FBXO33: variants seen among roughly 807,000 people sequenced by gnomAD.
FBXO33 encodes F-box protein 33.
In FBXO33, 22 loss-of-function variants were observed where a neutral mutation model predicts 46.3. The observed-to-expected ratio is 0.48, with a 90% confidence interval of 0.34 to 0.68. FBXO33 has a LOEUF of 0.68. FBXO33 is among the 30% of genes least tolerant of loss of function. The pLI is 0.01. For synonymous variants in FBXO33, 337 were observed against 291.3 expected (o/e 1.16, Z -1.60); for missense variants, 692 against 708.8 (o/e 0.98, Z 0.27).
chr14:39,428,994 CTTCT>C (rs2061764259), intron 1 of FBXO33, among the ~76,000 whole-genome samples: 1 of 152,132 alleles, frequency 6.6e-6, no homozygotes, highest in African/African-American at 2.4e-5. Context: ...ACTTATGCAC[CTTCT>C]TTATCCTTAT....
At chr14:39,401,994 C>A (rs113202109) in intron 2 of FBXO33, 133 bp from the exon 3 acceptor site, 3 of 671,882 alleles carry the variant, frequency 4.5e-6, no homozygotes, top group African/African-American at 3.6e-5. Context: ...AATTTCGATT[C>A]AACCCACAGT....
chr14:39,432,275 C>T lies in FBXO33; in HGVS notation c.-113G>A. 2 of 898,420 alleles carry T rather than the reference C, an allele frequency of 2.2e-6. No individual in the cohort carries two copies. The highest frequency in any genetic ancestry group is 2.8e-6 in the Non-Finnish European group (2 of 702,838). The allele number at this position is 898,420 out of a possible 1,614,324, so 55.7% of individuals were successfully genotyped here. A position where few individuals can be genotyped will look rare whatever the true frequency, so the allele number is the denominator to read the frequency against. On this transcript the variant is annotated 5_prime_UTR_variant, in exon 1 of 4. Transcript: ENST00000298097. ...GCGGGCGTGGCCTGCCGGGAGCCAG[C>T]CTCTGTCTTCTCAAACTCTACTCAC...
chr14:39,410,674 A>G (rs2139407966), intron 1 of FBXO33, among the ~76,000 whole-genome samples: 1 of 152,142 alleles, frequency 6.6e-6, no homozygotes, highest in Middle Eastern at 3.4e-3. Context: ...TTTTTGGGGG[A>G]AGGTTTTTAA....
chr14:39,412,946 T>C (rs1398453682), intron 1 of FBXO33, among the ~76,000 whole-genome samples: 1 of 152,282 alleles, frequency 6.6e-6, no homozygotes, highest in East Asian at 1.9e-4. Context: ...GCTGATAGAA[T>C]GCCTTGTCCC....
chr14:39,399,916 T>C, intron 3 of FBXO33, 129 bp from the exon 4 acceptor site: 1 of 1,061,006 alleles, frequency 9.4e-7, no homozygotes, highest in Non-Finnish European at 1.3e-6. Context: ...CGTTTTGGTC[T>C]TTTTCCTTTA....
At chr14:39,405,920 A>G (rs1282639706) in intron 1 of FBXO33, among the ~76,000 whole-genome samples, 2 of 150,120 alleles carry the variant, frequency 1.3e-5, no homozygotes, top group African/African-American at 2.4e-5. Flanking sequence ...TCAACTTGAC[A>G]TGTGATTCTA....
chr14:39,417,764 C>T (rs1171737016), intron 1 of FBXO33, among the ~76,000 whole-genome samples: 1 of 152,148 alleles, frequency 6.6e-6, no homozygotes, highest in Admixed American at 6.5e-5. Context: ...CTCCTGACCT[C>T]ATGATCCACT....
intron 1 of FBXO33, among the ~76,000 whole-genome samples, chr14:39,424,206 T>A (rs1363781003): frequency 4.6e-5 from 7 of 152,206 alleles, no homozygotes. Flanking sequence ...GCTTGCTCCC[T>A]CCCTACCTTC....
At position 39,419,850 on chromosome 14, in the gene FBXO33, C is replaced by T. The variant is rs568362408; in HGVS notation, c.599+11714G>A. Reference sequence around the variant, plus strand: ...ATGTACTTTGATTCCTTTGGTAATACTGATAGGATATAAGCTATTTACTAG... The same window carrying T: ...ATGTACTTTGATTCCTTTGGTAATATTGATAGGATATAAGCTATTTACTAG... On this transcript the variant is annotated intron_variant, in intron 1 of 3. Transcript: ENST00000298097. Among the ~76,000 whole-genome samples, 3 of 152,278 alleles carry T rather than the reference C, an allele frequency of 2.0e-5. No homozygotes were observed. In the East Asian group the frequency reaches 5.8e-4, roughly 29 times the overall value.
Position 39,412,705 on chromosome 14 carries a change from T to C in FBXO33, c.600-10194A>G, listed in dbSNP as rs530969339. 1.1e-4 allele frequency among the ~76,000 whole-genome samples: 17 copies of C among 152,354 alleles called. 1 individual carries two copies. In the South Asian group the frequency reaches 3.5e-3, roughly 32 times the overall value. The stretch of plus-strand genomic sequence containing the variant: ...TACCACAGGCATAACTTGCAGATAT[T>C]GCAGGTTTACTTCCAGACCACTGCA... On this transcript the variant is annotated intron_variant, in intron 1 of 3. Coordinates refer to ENST00000298097, the MANE Select transcript of FBXO33 (RefSeq NM_203301.4).
intron 1 of FBXO33, among the ~76,000 whole-genome samples, chr14:39,423,690 G>A (rs1037262083): frequency 6.6e-6 from 1 of 152,206 alleles, no homozygotes; most frequent in African/African-American, 2.4e-5. Flanking sequence ...AGTCCAAAAA[G>A]AGGTAAAACT....
chr14:39,415,962 C>T (rs868755674), intron 1 of FBXO33, among the ~76,000 whole-genome samples: 8 of 152,158 alleles, frequency 5.3e-5, no homozygotes, highest in East Asian at 3.8e-4. Context: ...CCATGGTGTC[C>T]GGCCTAATAC....
Position 39,431,475 on chromosome 14 carries a change from G to C in FBXO33, c.599+89C>G, listed in dbSNP as rs1261896149. 2.5e-6 allele frequency: 4 copies of C among 1,579,090 alleles called. No individual in the cohort carries two copies. The East Asian group carries it at 9.0e-5, about 36-fold the overall frequency. On this transcript the variant is annotated intron_variant, in intron 1 of 3. Transcript: ENST00000298097. ...AGGAAGGCAACACTGAAGTTGGCCG[G>C]GCACGTATTATGCACAGAATCTGTG... is the stretch of plus-strand genomic sequence containing the variant.
chr14:39,405,882 A>C (rs1334783462), intron 1 of FBXO33, among the ~76,000 whole-genome samples: 1 of 148,084 alleles, frequency 6.8e-6, no homozygotes, highest in Non-Finnish European at 1.5e-5. Flanking sequence ...TGACCTTTAA[A>C]AAGTTTTAGT....
chr14:39,406,796 A>G (rs2075400940), intron 1 of FBXO33, among the ~76,000 whole-genome samples: 1 of 152,232 alleles, frequency 6.6e-6, no homozygotes, highest in Non-Finnish European at 1.5e-5. Context: ...AGTAGAGTCC[A>G]CACAGTGGTA....
At chr14:39,431,406 G>A (rs904941682) in intron 1 of FBXO33, among the ~76,000 whole-genome samples, 158 bp downstream of exon 1, 2 of 152,114 alleles carry the variant, frequency 1.3e-5, no homozygotes, top group Admixed American at 6.5e-5. Context: ...ATGCCTTTCC[G>A]CTCAAGGAAA....
chr14:39,422,383 G>A (rs1225135991), intron 1 of FBXO33, among the ~76,000 whole-genome samples: 1 of 152,194 alleles, frequency 6.6e-6, no homozygotes, highest in Non-Finnish European at 1.5e-5. Context: ...TCCTAACTCT[G>A]CTCATTGCTT....
At chr14:39,417,296 A>T (rs1181574275) in intron 1 of FBXO33, among the ~76,000 whole-genome samples, 1 of 152,208 alleles carries the variant, frequency 6.6e-6, no homozygotes, top group Non-Finnish European at 1.5e-5. Flanking sequence ...GGTGCACTGA[A>T]ATGCCAGGAG....
In FBXO33 at chr14:39,432,015, C is replaced by G; in HGVS notation, c.148G>C (p.Gly50Arg). ...GLLRVLRGRP[G>R]AGSRRRGRMA... ...CGGCCCCGCCGCCGGCTGCCGGCTC[C>G]CGGCCGCCCCCGCAGTACCCGGAGC... Residue 50 changes from glycine to arginine, a missense_variant, in exon 1 of 4, where the codon GGA (glycine) becomes CGA (arginine). This residue lies in a region of FBXO33 where 412 missense variants were observed against 370.8 expected (regional missense o/e 1.11). Transcript: ENST00000298097. 7.1e-7 allele frequency: 1 copy of G among 1,410,086 alleles called. No homozygotes were observed. The highest frequency in any genetic ancestry group is 1.5e-5 in the African/African-American group (1 of 65,468). 87.3% of individuals were successfully genotyped at this position (1,410,086 alleles called of 1,614,324 possible).
Sources: gnomAD v4.1 joint callset for allele counts (sites outside exome capture counted in the v4.1 genomes callset) on GRCh38, gnomAD v4.1.1 for gene constraint, gnomAD v4.1.1 regional missense constraint, MANE v1.5 for transcripts, NCBI Gene and HGNC (gene_info 2026-07-23, HGNC 2026-07-21) for gene names.